The following SGCZ variants were observed in gnomAD, a reference collection of about 807,000 sequenced individuals.
SGCZ encodes the protein zeta-sarcoglycan.
In SGCZ, 40 loss-of-function variants were observed where a neutral mutation model predicts 41.3. The observed-to-expected ratio is 0.97, with a 90% CI of 0.75 to 1.26. The LOEUF (loss-of-function observed/expected upper bound fraction) is 1.26, where lower values mean the gene tolerates loss of function less well. SGCZ is among the 50% of genes most tolerant of loss of function. The pLI is 0.00. For missense variants in SGCZ, 552 were observed against 369.8 expected, an observed-to-expected ratio of 1.49 and a Z score of -4.04; for synonymous variants, 206 against 137.5, an observed-to-expected ratio of 1.50 and a Z score of -3.49.
intron 1 of SGCZ, among the ~76,000 whole-genome samples, chr8:15,064,892 C>T (rs1203579983): frequency 5.3e-5 from 8 of 152,228 alleles, no homozygotes; most frequent in Non-Finnish European, 1.2e-4. Flanking sequence ...TTTCGGTTGG[C>T]TCTTTGGTGC....
At chr8:14,960,946 C>A (rs974730636) in intron 1 of SGCZ, among the ~76,000 whole-genome samples, 7 of 147,316 alleles carry the variant, frequency 4.8e-5, no homozygotes, top group Non-Finnish European at 7.5e-5. Flanking sequence ...CACACACACA[C>A]ACACACACAC....
intron 1 of SGCZ, among the ~76,000 whole-genome samples, chr8:14,849,615 A>G (rs375305445): frequency 4.7e-4 from 71 of 152,312 alleles, no homozygotes; most frequent in African/African-American, 1.6e-3. Context: ...GAAATGAAGC[A>G]GATCAGGGCT....
chr8:14,426,919 A>G (rs1799798417), intron 2 of SGCZ, among the ~76,000 whole-genome samples: 1 of 152,152 alleles, frequency 6.6e-6, no homozygotes, highest in Admixed American at 6.6e-5. Context: ...TCATTTCAAA[A>G]TTGTTATTAT....
At chr8:15,049,759 T>C (rs1039477105) in intron 1 of SGCZ, among the ~76,000 whole-genome samples, 2 of 152,148 alleles carry the variant, frequency 1.3e-5, no homozygotes, top group African/African-American at 4.8e-5. Context: ...GGCAAGGTTA[T>C]GATAACTAAA....
At chr8:14,863,844 A>T (rs1201345519) in intron 1 of SGCZ, among the ~76,000 whole-genome samples, 1 of 151,908 alleles carries the variant, frequency 6.6e-6, no homozygotes, top group African/African-American at 2.4e-5. Flanking sequence ...TAATATACTC[A>T]GGGGGGCAAT....
At chr8:15,177,000 CAAAAA>C (rs1358210180) in intron 1 of SGCZ, among the ~76,000 whole-genome samples, 2 of 149,796 alleles carry the variant, frequency 1.3e-5, no homozygotes, top group African/African-American at 4.9e-5. Flanking sequence ...GACTTTGTTT[CAAAAA>C]AAAGAAAAAG....
intron 2 of SGCZ, among the ~76,000 whole-genome samples, chr8:14,493,359 C>CTTTTTTTTTTTTTATTTTTTTTTTTT (rs1801898889): frequency 2.3e-5 from 1 of 44,268 alleles, no homozygotes; most frequent in Non-Finnish European, 4.2e-5. Flanking sequence ...ATCATCCTTT[C>CTTTTTTTTTTTTTATTTTTTTTTTTT]TTTTTTTTTT....
intron 2 of SGCZ, among the ~76,000 whole-genome samples, chr8:14,449,495 T>C (rs1020876): frequency 0.17 from 25,714 of 152,060 alleles, 2,272 homozygotes; most frequent in African/African-American, 0.22. Flanking sequence ...CTTAATGACA[T>C]AATCATGTTC....
intron 1 of SGCZ, among the ~76,000 whole-genome samples, chr8:14,618,641 A>AT (rs1272685289): frequency 1.3e-5 from 2 of 152,204 alleles, no homozygotes; most frequent in African/African-American, 4.8e-5. Context: ...TCAATGAAGG[A>AT]TTTTAAAGAG....
At chr8:14,736,878 T>C (rs899165751) in intron 1 of SGCZ, among the ~76,000 whole-genome samples, 3 of 152,018 alleles carry the variant, frequency 2.0e-5, no homozygotes, top group Non-Finnish European at 4.4e-5. Context: ...CTACCGGGTA[T>C]CTACCCAGAA....
intron 1 of SGCZ, among the ~76,000 whole-genome samples, chr8:15,058,041 A>C (rs1804780287): frequency 6.6e-6 from 1 of 152,334 alleles, no homozygotes; most frequent in South Asian, 2.1e-4. Context: ...ACAGTGAATA[A>C]AAGTAAAACA....
chr8:15,036,084 C>A (rs1243594834), intron 1 of SGCZ, among the ~76,000 whole-genome samples: 1 of 151,528 alleles, frequency 6.6e-6, no homozygotes, highest in Non-Finnish European at 1.5e-5. Flanking sequence ...ATCCACAGAC[C>A]TTTAACTAGA....
chr8:14,952,998 G>A (rs1209526116), intron 1 of SGCZ, among the ~76,000 whole-genome samples: 1 of 152,062 alleles, frequency 6.6e-6, no homozygotes, highest in Non-Finnish European at 1.5e-5. Flanking sequence ...TTGCTGATCA[G>A]GGTTGGCCAT....
At chr8:15,134,035 T>C (rs1432015337) in intron 1 of SGCZ, among the ~76,000 whole-genome samples, 2 of 152,192 alleles carry the variant, frequency 1.3e-5, no homozygotes, top group Non-Finnish European at 2.9e-5. Flanking sequence ...AAGTATGTGC[T>C]GATTAAGACA....
intron 2 of SGCZ, among the ~76,000 whole-genome samples, chr8:14,545,988 T>A (rs6982795): frequency 0.25 from 37,773 of 152,090 alleles, 4,838 homozygotes; most frequent in Middle Eastern, 0.43. Context: ...GACTGAATTT[T>A]TCTTTATAAA....
chr8:14,110,142 T>C (rs1446026692), intron 5 of SGCZ, among the ~76,000 whole-genome samples: 2 of 152,148 alleles, frequency 1.3e-5, no homozygotes, highest in African/African-American at 4.8e-5. Flanking sequence ...TAGTTTGAGG[T>C]AACACTAATT....
intron 1 of SGCZ, among the ~76,000 whole-genome samples, chr8:14,643,474 T>C (rs1807093242): frequency 6.6e-6 from 1 of 150,820 alleles, no homozygotes; most frequent in South Asian, 2.1e-4. Context: ...TAGAGTTTTA[T>C]AAACATAAAT....
intron 1 of SGCZ, among the ~76,000 whole-genome samples, chr8:14,561,810 A>G (rs140920131): frequency 6.6e-6 from 1 of 152,268 alleles, no homozygotes; most frequent in African/African-American, 2.4e-5. Context: ...CCAACGCAGT[A>G]TTTTATCTAA....
At chr8:14,818,947 G>T (rs1280844616) in intron 1 of SGCZ, among the ~76,000 whole-genome samples, 1 of 151,992 alleles carries the variant, frequency 6.6e-6, no homozygotes, top group Non-Finnish European at 1.5e-5. Flanking sequence ...AGGTATTCCA[G>T]TTGTAGAAGA....
Sources: allele counts gnomAD v4.1 joint callset (sites outside exome capture counted in the v4.1 genomes callset), GRCh38; gene constraint gnomAD v4.1.1; transcripts MANE v1.5; gene names NCBI Gene and HGNC (gene_info 2026-07-23, HGNC 2026-07-21).